The following SLC30A10 variants were observed in gnomAD, a reference collection of about 807,000 sequenced individuals.
The protein encoded by SLC30A10 is solute carrier family 30 member 10.
SLC30A10 carries 8 observed loss-of-function variants against 21.7 expected under a neutral mutation model. The observed-to-expected ratio is 0.37, with a 90% CI of 0.22 to 0.67. The LOEUF (loss-of-function observed/expected upper bound fraction) is 0.67. Among genes scored for constraint, SLC30A10 ranks in the 30% least tolerant of loss-of-function variants. The probability of loss-of-function intolerance (pLI) is 0.58; values close to 1 mark genes in which losing one functional copy is unlikely to be tolerated. For synonymous variants in SLC30A10, 272 were observed against 279.4 expected (o/e 0.97, Z 0.26); for missense variants, 521 against 642.5 (o/e 0.81, Z 2.04).
At chr1:219,923,075 A>T (rs1659735592) in intron 2 of SLC30A10, among the ~76,000 whole-genome samples, 1 of 152,208 alleles carries the variant, frequency 6.6e-6, no homozygotes, top group East Asian at 1.9e-4. Flanking sequence ...AGAAGGGCAG[A>T]AATGTCTAGA....
Position 219,928,493 on chromosome 1 carries a change from C to A in SLC30A10, c.-53G>T, listed in dbSNP as rs1428905487. On this transcript the variant is annotated 5_prime_UTR_variant, in exon 1 of 4. Coordinates refer to ENST00000366926, the MANE Select transcript of SLC30A10 (RefSeq NM_018713.3). The surrounding 1 kb of genome is among the most constrained non-coding windows in gnomAD (Gnocchi z 6.3). ...CCGCCCAGGGGAGCGCAGCCCACCCCGCGCGCAGCCACAGGTGGGGGGCGC... is the reference window on the plus strand; with the variant it reads ...CCGCCCAGGGGAGCGCAGCCCACCCAGCGCGCAGCCACAGGTGGGGGGCGC... 1.4e-6 allele frequency: 2 copies of A among 1,446,580 alleles called. No individual in the cohort carries two copies. The highest frequency in any genetic ancestry group is 2.6e-5 in the East Asian group (1 of 37,990). 89.6% of individuals were successfully genotyped at this position (1,446,580 alleles called of 1,614,324 possible). A position where few individuals can be genotyped will look rare whatever the true frequency, so the allele number is the denominator to read the frequency against.
Position 219,915,931 on chromosome 1 carries a change from C to T in SLC30A10, c.976G>A (p.Val326Met). 1 of 1,613,592 alleles carries T rather than the reference C, an allele frequency of 6.2e-7. No homozygotes were observed. The highest frequency in any genetic ancestry group is 2.2e-5 in the East Asian group (1 of 44,888). The change falls in exon 4 of 4, where the codon GTG (valine) becomes ATG (methionine). Residue 326 changes from valine to methionine, a missense_variant. Transcript: ENST00000366926. ...MEELMSKLSA[V>M]PGISSVHEVH... ...TCATGTACACTGCTAATTCCAGGCA[C>T]AGCAGAGAGTTTACTCACTATAACA...
chr1:219,930,175 CA>C (rs893210791), upstream of SLC30A10, among the ~76,000 whole-genome samples: 544 of 145,356 alleles, frequency 3.7e-3, 7 homozygotes, highest in African/African-American at 0.013. Context: ...AACAAACAAA[CA>C]AAAAAAAAAC....
Position 219,915,789 on chromosome 1 carries a change from G to A in SLC30A10, c.1118C>T (p.Ala373Val). ...STKIREIFHH[A>V]GIHNVTIQFE... is the part of the protein sequence containing the mutation. The stretch of plus-strand genomic sequence containing the variant: ...CTGGATGGTCACATTGTGGATTCCC[G>A]CATGGTGGAAGATTTCTCGAATTTT... Residue 373 changes from alanine (A) to valine (V), a missense_variant, in exon 4 of 4, where the codon GCG (alanine) becomes GTG (valine). Transcript: ENST00000366926. 5.0e-6 allele frequency: 8 copies of A among 1,614,164 alleles called. No individual in the cohort carries two copies. Among genetic ancestry groups the A allele is most frequent in the Non-Finnish European group, 6.8e-6 (8 of 1,180,038 alleles).
chr1:219,928,339 G>T lies in SLC30A10; in HGVS notation c.102C>A (p.Ser34=). ...TGAAGGAGTCGGAGAGCAGCGCGAT[G>T]GAGTTGCCCAGGTAGCCGGAGACCA... ...AELVSGYLGN[S]IALLSDSFNM... Residue 34 remains serine (S), a synonymous_variant, in exon 1 of 4, where the codon TCC becomes TCA. Coordinates refer to ENST00000366926, the MANE Select transcript of SLC30A10 (RefSeq NM_018713.3). This position sits in a 1 kb window ranked among gnomAD's most constrained non-coding sequence, Gnocchi z 6.3. 1 of 1,613,158 alleles carries T rather than the reference G, an allele frequency of 6.2e-7. No homozygotes were observed. Among genetic ancestry groups the T allele is most frequent in the South Asian group, 1.1e-5 (1 of 90,968 alleles).
intron 3 of SLC30A10, 38 bp from the exon 4 acceptor site, chr1:219,915,986 G>C: frequency 6.3e-7 from 1 of 1,584,566 alleles, no homozygotes; most frequent in South Asian, 1.1e-5. Flanking sequence ...CAAGGTGAGC[G>C]CTGCATTTGA....
chr1:219,947,898 G>A (rs994204218), intron 1 of SLC30A10, among the ~76,000 whole-genome samples: 11 of 151,962 alleles, frequency 7.2e-5, no homozygotes, highest in Non-Finnish European at 1.3e-4. Context: ...AAGCTGATAA[G>A]CAACTTCAGC....
At position 219,914,294 on chromosome 1, in the gene SLC30A10, A is replaced by G. The variant is rs992781045; in HGVS notation, c.*1155T>C. 1 of 151,502 alleles carries G rather than the reference A, an allele frequency of 6.6e-6. No homozygotes were observed. Among genetic ancestry groups the G allele is most frequent in the Non-Finnish European group, 1.5e-5 (1 of 67,834 alleles). The allele number at this position is 151,502 out of a possible 1,614,324, so 9.4% of individuals were successfully genotyped here. On this transcript the variant is annotated 3_prime_UTR_variant, in exon 4 of 4. Coordinates refer to ENST00000366926, the MANE Select transcript of SLC30A10 (RefSeq NM_018713.3). ...TGGTTATGGGTCTGAATCCGATTAT[A>G]AAAATTTTATTTGAACTTGGTAATA...
upstream of SLC30A10, among the ~76,000 whole-genome samples, chr1:219,929,271 C>A (rs1024408967): frequency 6.6e-6 from 1 of 152,184 alleles, no homozygotes; most frequent in African/African-American, 2.4e-5. Context: ...CTGGGTGAAT[C>A]GCAGGCAGCC....
chr1:219,952,129 A>G (rs183975033), intron 1 of SLC30A10, among the ~76,000 whole-genome samples: 2 of 152,188 alleles, frequency 1.3e-5, no homozygotes, highest in Non-Finnish European at 2.9e-5. Flanking sequence ...AAGGGATCTT[A>G]CTAATATTTC....
upstream of SLC30A10, among the ~76,000 whole-genome samples, chr1:219,930,178 A>AC (rs1291254779): frequency 4.0e-5 from 6 of 151,392 alleles, no homozygotes; most frequent in African/African-American, 1.2e-4. Context: ...AAACAAACAA[A>AC]AAAAAAACAC....
At chr1:219,933,094 G>C (rs1659992660), upstream of SLC30A10, among the ~76,000 whole-genome samples, 2 of 151,436 alleles carry the variant, frequency 1.3e-5, no homozygotes, top group Admixed American at 1.3e-4. Context: ...AAATGAGATA[G>C]TGGTCAATAC....
intron 2 of SLC30A10, among the ~76,000 whole-genome samples, chr1:219,924,312 C>A (rs1372563301): frequency 6.6e-6 from 1 of 152,144 alleles, no homozygotes; most frequent in Non-Finnish European, 1.5e-5. Flanking sequence ...AATGTGTGAT[C>A]ATGGAAAGGG....
In SLC30A10 at chr1:219,928,509, TG is replaced by T. The variant is rs1659905929; in HGVS notation, c.-70del. 1.5e-6 allele frequency: 2 copies of T among 1,310,706 alleles called. No individual in the cohort carries two copies. Among genetic ancestry groups the T allele is most frequent in the Non-Finnish European group, 9.8e-7 (1 of 1,016,280 alleles). 81.2% of individuals were successfully genotyped at this position (1,310,706 alleles called of 1,614,324 possible). On this transcript the variant is annotated 5_prime_UTR_variant, in exon 1 of 4. Transcript: ENST00000366926. The surrounding 1 kb of genome is among the most constrained non-coding windows in gnomAD (Gnocchi z 6.3). ...AGCCCACCCCGCGCGCAGCCACAGG[TG>T]GGGGGCGCGGCGCGGATCCGTGAGG... is the stretch of plus-strand genomic sequence containing the variant.
At chr1:219,927,137 A>G in intron 1 of SLC30A10, 32 bp from the exon 2 acceptor site, 1 of 1,610,816 alleles carries the variant, frequency 6.2e-7, no homozygotes, top group South Asian at 1.1e-5. Context: ...TGTGTTGTGT[A>G]TAAGTTCTAC....
Position 219,914,995 on chromosome 1 carries a change from T to A in SLC30A10, c.*454A>T, listed in dbSNP as rs1229333517. 6.5e-6 allele frequency: 1 copy of A among 154,744 alleles called. No individual in the cohort carries two copies. The highest frequency in any genetic ancestry group is 2.4e-5 in the African/African-American group (1 of 41,482). 9.6% of individuals were successfully genotyped at this position (154,744 alleles called of 1,614,324 possible). ...AGAAATACTTAACTTGCCTCTTTTA[T>A]GATCGTTAAGGGGATTGGGAAAAAT... On this transcript the variant is annotated 3_prime_UTR_variant, in exon 4 of 4. Transcript: ENST00000366926.
At chr1:219,952,651 C>G (rs1660285497) in intron 1 of SLC30A10, among the ~76,000 whole-genome samples, 1 of 152,112 alleles carries the variant, frequency 6.6e-6, no homozygotes, top group Non-Finnish European at 1.5e-5. Context: ...TTATTTTGTA[C>G]AGTTCTTCAA....
chr1:219,916,929 G>A (rs983466298), intron 3 of SLC30A10, among the ~76,000 whole-genome samples: 2 of 149,862 alleles, frequency 1.3e-5, no homozygotes, highest in African/African-American at 2.4e-5. Context: ...TGTAGTAAAC[G>A]CTATGAAAAT....
chr1:219,928,585 TTA>T, upstream of SLC30A10: 1 of 698,764 alleles, frequency 1.4e-6, no homozygotes, highest in East Asian at 3.3e-5. The surrounding 1 kb of genome is among the most constrained non-coding windows in gnomAD (Gnocchi z 6.3). Context: ...CCACCGCTTT[TTA>T]TAACGCGAGG....
Sources: gnomAD v4.1 joint callset for allele counts (sites outside exome capture counted in the v4.1 genomes callset) on GRCh38, gnomAD v4.1.1 for gene constraint, Gnocchi (gnomAD v3.1) non-coding constraint, MANE v1.5 for transcripts, NCBI Gene and HGNC (gene_info 2026-07-23, HGNC 2026-07-21) for gene names.